RNF125: variants seen among roughly 807,000 people sequenced by gnomAD.
The protein encoded by RNF125 is ring finger protein 125.
In RNF125, 21 loss-of-function variants were observed where a neutral mutation model predicts 26.0. The ratio of observed to expected loss-of-function variants is 0.81; its 90% confidence interval spans 0.57 to 1.16. The LOEUF is 1.16. RNF125 is among the 50% of genes most tolerant of loss of function. The pLI is 0.00. For missense variants in RNF125, 270 were observed against 299.4 expected (o/e 0.90, Z 0.72); for synonymous variants, 95 against 109.2 (o/e 0.87, Z 0.81).
At chr18:32,083,633 C>T in the RNF125 span, among the ~76,000 whole-genome samples, 1 of 152,110 alleles carries the variant, frequency 6.6e-6, no homozygotes, top group Non-Finnish European at 1.5e-5. Flanking sequence ...TGGAGTAGGT[C>T]AGGTGCGGTG....
chr18:32,044,951 A>C (rs1375331040), intron 3 of RNF125, among the ~76,000 whole-genome samples: 1 of 151,600 alleles, frequency 6.6e-6, no homozygotes, highest in Non-Finnish European at 1.5e-5. Flanking sequence ...TGAAACTCCT[A>C]CCTCTATTAA....
chr18:32,052,699 CAGAT>C (rs1436410649), intron 4 of RNF125, among the ~76,000 whole-genome samples: 2 of 152,124 alleles, frequency 1.3e-5, no homozygotes, highest in African/African-American at 2.4e-5. Flanking sequence ...ATCTAAGCCA[CAGAT>C]AGAGCGGAGT....
rs548561589 is a variant in RNF125 at position 32,063,242 on chromosome 18, A to G, written c.505-2660A>G. ...AACTCCATTTCAAAAAAAAAAAAAA[A>G]AAGAAGAATACATGAATAAATATAA... On this transcript the variant is annotated intron_variant, in intron 4 of 5. Transcript: ENST00000217740. 3.0e-4 allele frequency among the ~76,000 whole-genome samples: 45 copies of G among 151,674 alleles called. No individual in the cohort carries two copies. In the Middle Eastern group the frequency reaches 0.01, roughly 34 times the overall value.
intron 2 of RNF125, among the ~76,000 whole-genome samples, chr18:32,038,537 TATC>T (rs1414705437): frequency 2.8e-5 from 4 of 141,812 alleles, no homozygotes; most frequent in African/African-American, 9.7e-5. Context: ...ATAGCTTTAT[TATC>T]AAACCCAGTG....
intron 4 of RNF125, among the ~76,000 whole-genome samples, chr18:32,048,147 C>T (rs974597087): frequency 6.6e-6 from 1 of 150,978 alleles, no homozygotes; most frequent in Non-Finnish European, 1.5e-5. Flanking sequence ...TGCAGTGGCT[C>T]ATGCCTATAA....
chr18:32,086,357 T>G, the RNF125 span, among the ~76,000 whole-genome samples: 3 of 42,718 alleles, frequency 7.0e-5, no homozygotes, highest in South Asian at 5.8e-4. Context: ...ATATTTGTGT[T>G]TTTTTTTTTT....
Position 32,045,752 on chromosome 18 carries a change from G to T in RNF125, c.504+20G>T. 6.7e-7 allele frequency: 1 copy of T among 1,493,354 alleles called. No individual in the cohort carries two copies. The highest frequency in any genetic ancestry group is 9.3e-7 in the Non-Finnish European group (1 of 1,073,318). 92.5% of individuals were successfully genotyped at this position (1,493,354 alleles called of 1,614,324 possible). A position where few individuals can be genotyped will look rare whatever the true frequency, so the allele number is the denominator to read the frequency against. ...CCTGTGGTAAGGATTTTTGTTACAT[G>T]TATTACAGCAATGTCTGAATTCAGG... On this transcript the variant is annotated intron_variant, in intron 4 of 5. Transcript: ENST00000217740.
At chr18:32,045,945 C>T (rs1046241465) in intron 4 of RNF125, among the ~76,000 whole-genome samples, 5 of 152,032 alleles carry the variant, frequency 3.3e-5, no homozygotes, top group African/African-American at 1.2e-4. Flanking sequence ...TGAAATTACA[C>T]ATTATCTCTA....
Position 32,045,571 on chromosome 18 carries a change from A to AC in RNF125, c.414-71_414-70insC, listed in dbSNP as rs551075274. 1.7e-3 allele frequency: 1,873 copies of AC among 1,078,254 alleles called. 2 individuals are homozygous for AC. The highest frequency in any genetic ancestry group is 2.3e-3 in the Non-Finnish European group (1,680 of 731,578). The allele number at this position is 1,078,254 out of a possible 1,614,324, so 66.8% of individuals were successfully genotyped here. On this transcript the variant is annotated intron_variant, in intron 3 of 5. Coordinates refer to ENST00000217740, the MANE Select transcript of RNF125 (RefSeq NM_017831.4). Reference sequence around the variant, plus strand: ...GCAAGACTCTTGTCTCAAAAAAAAAAAGAAAAAAAAAGTGACTACTATCTA... The same window carrying AC: ...GCAAGACTCTTGTCTCAAAAAAAAAACAGAAAAAAAAAGTGACTACTATCTA...
chr18:32,041,656 A>G (rs1598815508), intron 2 of RNF125, among the ~76,000 whole-genome samples: 1 of 93,146 alleles, frequency 1.1e-5, no homozygotes, highest in South Asian at 4.0e-4. Flanking sequence ...TTTGAGACGG[A>G]GTCTCGCTCT....
chr18:32,028,260 G>A (rs915143805), intron 1 of RNF125, among the ~76,000 whole-genome samples: 5 of 140,470 alleles, frequency 3.6e-5, no homozygotes, highest in Admixed American at 1.5e-4. Context: ...ATTGCACCAC[G>A]GCACTCCAGC....
rs766265088 is a variant in RNF125, at chr18:32,019,034, T to C, written c.164+7T>C. Reference sequence around the variant, plus strand: ...GGACCCGCTGTGGCCACGTGTAAGTTCCAGGGGAGCTCGGTTTGCGCCCAC... The same window carrying C: ...GGACCCGCTGTGGCCACGTGTAAGTCCCAGGGGAGCTCGGTTTGCGCCCAC... On this transcript the variant is annotated splice_region_variant and intron_variant, in intron 1 of 5. Coordinates refer to ENST00000217740, the MANE Select transcript of RNF125 (RefSeq NM_017831.4). The C allele has an allele frequency of 2.5e-6, 4 of 1,611,194 alleles. No homozygotes were observed. In the East Asian group the frequency reaches 6.7e-5, roughly 27 times the overall value.
chr18:32,020,924 A>G (rs1262275481), intron 1 of RNF125, among the ~76,000 whole-genome samples: 2 of 152,210 alleles, frequency 1.3e-5, no homozygotes, highest in African/African-American at 2.4e-5. Context: ...AAAGAAAGAA[A>G]AAAAAGAAAG....
At chr18:32,051,028 G>A (rs1363982390) in intron 4 of RNF125, among the ~76,000 whole-genome samples, 1 of 151,430 alleles carries the variant, frequency 6.6e-6, no homozygotes, top group African/African-American at 2.4e-5. Flanking sequence ...TGGCCTCAAA[G>A]TTCTCTTTCT....
At chr18:32,051,213 A>G (rs553540169) in intron 4 of RNF125, among the ~76,000 whole-genome samples, 1 of 152,174 alleles carries the variant, frequency 6.6e-6, no homozygotes, top group Admixed American at 6.6e-5. Context: ...CCTCTAATTT[A>G]TTAGGCTTAT....
intron 4 of RNF125, among the ~76,000 whole-genome samples, chr18:32,056,282 T>G (rs2039382111): frequency 6.6e-6 from 1 of 152,002 alleles, no homozygotes; most frequent in Non-Finnish European, 1.5e-5. Flanking sequence ...AAAATTGCCC[T>G]ACAAAGCTCT....
chr18:32,074,757 G>A (rs1029659064), downstream of RNF125, among the ~76,000 whole-genome samples: 3 of 152,112 alleles, frequency 2.0e-5, no homozygotes, highest in African/African-American at 7.2e-5. Flanking sequence ...TGGTCAGGCT[G>A]GTCTCGAACT....
At chr18:32,059,481 C>T (rs2044647749) in intron 4 of RNF125, among the ~76,000 whole-genome samples, 1 of 152,118 alleles carries the variant, frequency 6.6e-6, no homozygotes, top group Admixed American at 6.6e-5. Flanking sequence ...AATTTCTTTT[C>T]CTGTAGAGTT....
the RNF125 span, among the ~76,000 whole-genome samples, chr18:32,081,179 G>A: frequency 1.5e-5 from 2 of 133,472 alleles, no homozygotes; most frequent in African/African-American, 5.5e-5. Context: ...AGGCAACAGA[G>A]TGAGACTACA....
Sources: allele counts gnomAD v4.1 joint callset (sites outside exome capture counted in the v4.1 genomes callset), GRCh38; gene constraint gnomAD v4.1.1; transcripts MANE v1.5; gene names NCBI Gene and HGNC (gene_info 2026-07-23, HGNC 2026-07-21).